Variants in NBEA observed in about 807,000 individuals in gnomAD.
NBEA encodes lysosomal-trafficking regulator 2.
A neutral mutation model predicts 343.4 loss-of-function variants in NBEA; 44 were observed. That is an observed-to-expected ratio of 0.13 (90% CI 0.10 to 0.16). The LOEUF is 0.16. NBEA is among the 10% of genes least tolerant of loss of function. The probability of loss-of-function intolerance (pLI) is 1.00; values close to 1 mark genes in which losing one functional copy is unlikely to be tolerated. For missense variants in NBEA, 2,555 were observed against 3,631.3 expected (o/e 0.70, Z 7.62); for synonymous variants, 1,175 against 1,238.7 (o/e 0.95, Z 1.08).
intron 17 of NBEA, among the ~76,000 whole-genome samples, chr13:35,135,263 G>T (rs2067653629): frequency 6.6e-6 from 1 of 152,050 alleles, no homozygotes; most frequent in East Asian, 1.9e-4. Flanking sequence ...AAAATAAAAT[G>T]CTGGGGAGAT....
At chr13:35,389,578 A>G (rs2152898431) in intron 38 of NBEA, among the ~76,000 whole-genome samples, 1 of 152,210 alleles carries the variant, frequency 6.6e-6, no homozygotes, top group East Asian at 1.9e-4. Flanking sequence ...ATGAGATTAG[A>G]TAGAAAGCTG....
At chr13:35,358,085 G>A (rs1483754754) in intron 38 of NBEA, among the ~76,000 whole-genome samples, 2 of 151,878 alleles carry the variant, frequency 1.3e-5, no homozygotes, top group African/African-American at 2.4e-5. Flanking sequence ...TCAGTGGCAC[G>A]ATCTCGGCTC....
At chr13:35,156,991 TCA>T (rs1237806821) in intron 20 of NBEA, 85 bp from the exon 21 acceptor site, 5 of 1,138,420 alleles carry the variant, frequency 4.4e-6, no homozygotes, top group Non-Finnish European at 6.1e-6. Flanking sequence ...GATCATATTT[TCA>T]CTATTTTATT....
intron 44 of NBEA, among the ~76,000 whole-genome samples, chr13:35,557,074 A>G (rs2153018644): frequency 6.6e-6 from 1 of 152,222 alleles, no homozygotes; most frequent in East Asian, 1.9e-4. Context: ...GCTGTTGGAT[A>G]TAAAACTGGA....
chr13:35,085,383 C>T (rs549419359), intron 10 of NBEA, among the ~76,000 whole-genome samples: 1 of 152,240 alleles, frequency 6.6e-6, no homozygotes, highest in South Asian at 2.1e-4. Context: ...AGCTTATCCA[C>T]CACGATCAAG....
At chr13:34,996,579 A>T (rs1253352564) in intron 1 of NBEA, among the ~76,000 whole-genome samples, 2 of 152,108 alleles carry the variant, frequency 1.3e-5, no homozygotes, top group Admixed American at 1.3e-4. Flanking sequence ...ACATCTATCT[A>T]TTGAGTGGTC....
intron 34 of NBEA, among the ~76,000 whole-genome samples, chr13:35,236,204 C>T (rs1030873078): frequency 6.6e-6 from 1 of 152,110 alleles, no homozygotes; most frequent in Non-Finnish European, 1.5e-5. Flanking sequence ...TTTGCTAGTT[C>T]ATACAACCCA....
In NBEA at chr13:35,159,586, C is replaced by G. The variant is rs1593552295; in HGVS notation, c.3415C>G (p.Leu1139Val). 1.2e-6 allele frequency: 2 copies of G among 1,611,804 alleles called. No individual in the cohort carries two copies. Among genetic ancestry groups the G allele is most frequent in the Non-Finnish European group, 1.7e-6 (2 of 1,179,138 alleles). The change falls in exon 22 of 59, where the codon CTT (leucine) becomes GTT (valine). Residue 1139 changes from leucine to valine, a missense_variant. By Grantham distance (32) the Leu-to-Val change is conservative. Around this residue, in one of 21 missense-constraint regions of NBEA, gnomAD observed 367 missense variants for 377.5 expected, o/e 0.97. Coordinates refer to ENST00000379939, the MANE Select transcript of NBEA (RefSeq NM_001385012.1). ...AACATTAGCAGATGAGAAAGAAGAC[C>G]TTCCCAATAGTAGTACATCATTTCT... is the stretch of plus-strand genomic sequence containing the variant. ...LITLADEKED[L>V]PNSSTSFLFD...
chr13:34,966,855 T>C (rs1258289418), intron 1 of NBEA, among the ~76,000 whole-genome samples: 1 of 151,946 alleles, frequency 6.6e-6, no homozygotes, highest in Non-Finnish European at 1.5e-5. Flanking sequence ...CAGATGAGGT[T>C]TGCATATTCA....
chr13:35,171,555 T>C, intron 26 of NBEA, 103 bp downstream of exon 26: 1 of 931,458 alleles, frequency 1.1e-6, no homozygotes, highest in Non-Finnish European at 1.5e-6. Flanking sequence ...TTGATGATTA[T>C]ATAATATGGA....
chr13:35,109,010 A>G (rs1014541408), intron 11 of NBEA, among the ~76,000 whole-genome samples: 3 of 152,138 alleles, frequency 2.0e-5, no homozygotes, highest in Admixed American at 6.6e-5. Flanking sequence ...GCCATTATTT[A>G]TAACATTTCA....
At chr13:35,218,376 T>A (rs943775461) in intron 33 of NBEA, among the ~76,000 whole-genome samples, 1 of 152,070 alleles carries the variant, frequency 6.6e-6, no homozygotes, top group African/African-American at 2.4e-5. Context: ...AACTCACTTA[T>A]TATTCCTAAT....
chr13:35,125,179 A>G lies in NBEA; in HGVS notation c.2336+1605A>G, dbSNP rs139590633. ...ACAAGAAGTAAAAAATGTACTCTCT[A>G]TCACAAATGTTATCACAAGTAGAAG... On this transcript the variant is annotated intron_variant, in intron 17 of 58. Coordinates refer to ENST00000379939, the MANE Select transcript of NBEA (RefSeq NM_001385012.1). Among the ~76,000 whole-genome samples, 404 of 152,324 alleles carry G rather than the reference A, an allele frequency of 2.7e-3. 3 individuals are homozygous for G. Among genetic ancestry groups the G allele is most frequent in the African/African-American group, 9.5e-3 (395 of 41,574 alleles).
At chr13:34,973,136 A>G (rs1351656959) in intron 1 of NBEA, among the ~76,000 whole-genome samples, 1 of 152,132 alleles carries the variant, frequency 6.6e-6, no homozygotes, top group Non-Finnish European at 1.5e-5. Context: ...AGTGAAGGCT[A>G]TGAAACAGCA....
intron 29 of NBEA, 50 bp from the exon 30 acceptor site, chr13:35,183,926 G>T (rs891485931): frequency 6.0e-6 from 8 of 1,337,014 alleles, no homozygotes; most frequent in Non-Finnish European, 8.5e-6. Flanking sequence ...GGACCATGTG[G>T]CAGGTTGTTA....
chr13:34,970,580 G>A (rs531455017), intron 1 of NBEA, among the ~76,000 whole-genome samples: 4 of 152,236 alleles, frequency 2.6e-5, no homozygotes, highest in African/African-American at 9.6e-5. Flanking sequence ...AAGGAGTCCA[G>A]TTTCCATCTT....
intron 48 of NBEA, among the ~76,000 whole-genome samples, chr13:35,610,248 C>T (rs1199810706): frequency 6.6e-6 from 1 of 151,988 alleles, no homozygotes; most frequent in Non-Finnish European, 1.5e-5. Context: ...AAAACTTAGT[C>T]AGGTGTGGTG....
At position 35,624,931 on chromosome 13, in the gene NBEA, A is replaced by T. The variant is rs971737051; in HGVS notation, c.7450-3150A>T. On this transcript the variant is annotated intron_variant, in intron 48 of 58. Coordinates refer to ENST00000379939, the MANE Select transcript of NBEA (RefSeq NM_001385012.1). ...CGGCAGCTTTATGTCTTCGTTTCAAATATATATTTACACAGTAAAGATAAT... is the reference window on the plus strand; with the variant it reads ...CGGCAGCTTTATGTCTTCGTTTCAATTATATATTTACACAGTAAAGATAAT... Among the ~76,000 whole-genome samples the T allele has an allele frequency of 2.0e-5, 3 of 152,058 alleles. No homozygotes were observed. In the South Asian group the frequency reaches 6.2e-4, roughly 31 times the overall value.
chr13:35,596,929 A>C (rs1216052460), intron 47 of NBEA, among the ~76,000 whole-genome samples: 2 of 152,102 alleles, frequency 1.3e-5, no homozygotes, highest in African/African-American at 4.8e-5. Flanking sequence ...AAGAGATGGC[A>C]GCTTTAAAAC....
Sources: allele counts gnomAD v4.1 joint callset (sites outside exome capture counted in the v4.1 genomes callset), GRCh38; gene constraint gnomAD v4.1.1; regional missense constraint gnomAD v4.1.1; transcripts MANE v1.5; gene names NCBI Gene and HGNC (gene_info 2026-07-23, HGNC 2026-07-21).